The following DENND2A variants were observed in gnomAD, a reference collection of about 807,000 sequenced individuals.
The protein encoded by DENND2A is DENN domain containing 2A, also known as DENN domain-containing protein 2A.
In DENND2A, 53 loss-of-function variants were observed where a neutral mutation model predicts 105.3. That is an observed-to-expected ratio of 0.50 (90% CI 0.40 to 0.63). The LOEUF is 0.63. DENND2A is among the 30% of genes least tolerant of loss of function. The probability of loss-of-function intolerance (pLI) is 0.00; values close to 1 mark genes in which losing one functional copy is unlikely to be tolerated. For synonymous variants in DENND2A, 522 were observed against 508.4 expected (o/e 1.03, Z -0.36); for missense variants, 1,138 against 1,279.6 (o/e 0.89, Z 1.69).
At chr7:140,531,333 A>T (rs1171147004) in intron 14 of DENND2A, among the ~76,000 whole-genome samples, 1 of 152,220 alleles carries the variant, frequency 6.6e-6, no homozygotes, top group Non-Finnish European at 1.5e-5. Flanking sequence ...GAACATTCAC[A>T]TACAAGTGAG....
chr7:140,545,177 T>C (rs1463015546), intron 13 of DENND2A, among the ~76,000 whole-genome samples: 1 of 152,108 alleles, frequency 6.6e-6, no homozygotes, highest in African/African-American at 2.4e-5. Context: ...CATCTCTGTC[T>C]CTTGAGGAAC....
At chr7:140,569,600 C>T in intron 7 of DENND2A, 45 bp downstream of exon 7, 1 of 1,355,138 alleles carries the variant, frequency 7.4e-7, no homozygotes, top group Non-Finnish European at 1.1e-6. Flanking sequence ...GAAAGAATCT[C>T]TTTTCCGATT....
Position 140,601,727 on chromosome 7 carries a change from C to A in DENND2A, c.671G>T (p.Gly224Val). The A allele has an allele frequency of 6.2e-7, 1 of 1,614,076 alleles. No homozygotes were observed. Among genetic ancestry groups the A allele is most frequent in the South Asian group, 1.1e-5 (1 of 91,068 alleles). ...SQRVHPSDLE[G>V]REPTPELVED... ...CACAAGCTCAGGGGTGGGCTCCCTG[C>A]CTTCCAGGTCCGAGGGGTGGACCCT... The change falls in exon 3 of 20, where the codon GGC (glycine) becomes GTC (valine). Residue 224 changes from glycine (G) to valine (V), a missense_variant. Physicochemically the swap from Gly to Val is moderately radical, Grantham distance 109. Transcript: ENST00000496613.
At chr7:140,578,623 G>A (rs879451745) in intron 5 of DENND2A, among the ~76,000 whole-genome samples, 3 of 152,228 alleles carry the variant, frequency 2.0e-5, no homozygotes, top group Non-Finnish European at 4.4e-5. Context: ...GCTCACGCCT[G>A]TAATCCCAGC....
At position 140,640,514 on chromosome 7, in the gene DENND2A, G is replaced by A. The variant is rs1444704710; in HGVS notation, c.-258C>T. 2 of 150,876 alleles carry A rather than the reference G, an allele frequency of 1.3e-5. No homozygotes were observed. The highest frequency in any genetic ancestry group is 1.3e-4 in the Admixed American group (2 of 15,134). The allele number at this position is 150,876 out of a possible 1,614,324, so 9.3% of individuals were successfully genotyped here. A position where few individuals can be genotyped will look rare whatever the true frequency, so the allele number is the denominator to read the frequency against. On this transcript the variant is annotated 5_prime_UTR_variant, in exon 1 of 20. Transcript: ENST00000496613. This position sits in a 1 kb window ranked among gnomAD's most constrained non-coding sequence, Gnocchi z 4.9. ...CCGGCCCGGCCCTACCTCCCCGCGG[G>A]CGGCGGCTCCGCGGGCTCTGGGGCG...
chr7:140,526,984 A>G (rs1796077410), intron 15 of DENND2A, among the ~76,000 whole-genome samples: 1 of 152,142 alleles, frequency 6.6e-6, no homozygotes, highest in Non-Finnish European at 1.5e-5. Context: ...TAGCTCCTCA[A>G]TGTGGGGGAG....
intron 1 of DENND2A, among the ~76,000 whole-genome samples, chr7:140,620,459 T>C (rs1257092630): frequency 6.6e-6 from 1 of 152,044 alleles, no homozygotes; most frequent in Non-Finnish European, 1.5e-5. Flanking sequence ...TAAGAGACTT[T>C]GATTTTTTTT....
intron 1 of DENND2A, among the ~76,000 whole-genome samples, chr7:140,618,530 A>C (rs1287606057): frequency 6.6e-6 from 1 of 152,220 alleles, no homozygotes; most frequent in Non-Finnish European, 1.5e-5. Flanking sequence ...TTAAGCTCAT[A>C]CAATAACTCA....
At chr7:140,553,871 A>G (rs1000529625) in intron 12 of DENND2A, among the ~76,000 whole-genome samples, 1 of 152,222 alleles carries the variant, frequency 6.6e-6, no homozygotes, top group African/African-American at 2.4e-5. Context: ...ACAGAACAAA[A>G]TGGAGTCTCC....
At chr7:140,535,533 A>G (rs1198976262) in intron 14 of DENND2A, among the ~76,000 whole-genome samples, 2 of 151,132 alleles carry the variant, frequency 1.3e-5, no homozygotes, top group Non-Finnish European at 2.9e-5. Context: ...AGTAGACTAG[A>G]TCATCGCTAG....
intron 11 of DENND2A, among the ~76,000 whole-genome samples, chr7:140,557,130 T>G (rs1178579485): frequency 6.6e-6 from 1 of 152,066 alleles, no homozygotes; most frequent in Non-Finnish European, 1.5e-5. Flanking sequence ...TTTGTCCAGT[T>G]GCGGTGGTTC....
chr7:140,587,823 C>A, intron 3 of DENND2A, 43 bp from the exon 4 acceptor site: 1 of 1,510,742 alleles, frequency 6.6e-7, no homozygotes, highest in South Asian at 1.3e-5. Flanking sequence ...GAATTTGAAT[C>A]AAATTAGGCT....
rs567621003 is a variant in DENND2A, at chr7:140,584,103, G to A, written c.1245+1486C>T. 3.4e-5 allele frequency among the ~76,000 whole-genome samples: 5 copies of A among 146,808 alleles called. No homozygotes were observed. The South Asian group carries it at 8.5e-4, about 25-fold the overall frequency. ...CTAAAAGTACAAAAATTAGCCAGGCGTGGAGGCGCATGCCTGTAATCCCAG... is the reference window on the plus strand; with the variant it reads ...CTAAAAGTACAAAAATTAGCCAGGCATGGAGGCGCATGCCTGTAATCCCAG... On this transcript the variant is annotated intron_variant, in intron 5 of 19. Transcript: ENST00000496613.
rs531541459 is a variant in DENND2A, at chr7:140,559,465, T to C, written c.1889+243A>G. 2.0e-4 allele frequency among the ~76,000 whole-genome samples: 31 copies of C among 152,306 alleles called. No homozygotes were observed. Among genetic ancestry groups the C allele is most frequent in the African/African-American group, 7.2e-4 (30 of 41,570 alleles). On this transcript the variant is annotated intron_variant, in intron 10 of 19. Transcript: ENST00000496613. This position sits in a 1 kb window ranked among gnomAD's most constrained non-coding sequence, Gnocchi z 4.1. ...CTAACTTTTCCCAGGCTAAGAATTA[T>C]CTTCCGGGAGGCTTCTGAAACAAGT...
intron 14 of DENND2A, among the ~76,000 whole-genome samples, chr7:140,529,148 T>C (rs1796168065): frequency 6.6e-6 from 1 of 151,952 alleles, no homozygotes; most frequent in Non-Finnish European, 1.5e-5. Context: ...GGAGAAATAT[T>C]GGGAGTTTCT....
In DENND2A at chr7:140,567,070, C is replaced by G. The variant is rs1451766980; in HGVS notation, c.1779+16G>C. On this transcript the variant is annotated intron_variant, in intron 9 of 19. Coordinates refer to ENST00000496613, the MANE Select transcript of DENND2A (RefSeq NM_015689.5). The stretch of plus-strand genomic sequence containing the variant: ...TAGAACCCTGGCAGGCCACAGGGAC[C>G]TGGCCACCCTGTTACCTTCAGAGGG... 5 of 1,559,812 alleles carry G rather than the reference C, an allele frequency of 3.2e-6. No homozygotes were observed. The South Asian group carries it at 5.9e-5, about 19-fold the overall frequency.
At chr7:140,553,262 C>A (rs1028334314) in intron 12 of DENND2A, among the ~76,000 whole-genome samples, 1 of 152,162 alleles carries the variant, frequency 6.6e-6, no homozygotes, top group African/African-American at 2.4e-5. Flanking sequence ...GTCTTTGCAT[C>A]ATAGACAAGG....
intron 3 of DENND2A, among the ~76,000 whole-genome samples, chr7:140,597,593 A>G (rs184753622): frequency 3.5e-4 from 54 of 152,388 alleles, no homozygotes; most frequent in African/African-American, 1.1e-3. Context: ...TGAAATAAGT[A>G]ACTTTAGCTG....
At chr7:140,626,146 G>A (rs1286850045) in intron 1 of DENND2A, among the ~76,000 whole-genome samples, 2 of 152,176 alleles carry the variant, frequency 1.3e-5, no homozygotes, top group African/African-American at 2.4e-5. Context: ...CCACCTTGAC[G>A]GCACCGTACG....
Sources: gnomAD v4.1 joint callset for allele counts (sites outside exome capture counted in the v4.1 genomes callset) on GRCh38, gnomAD v4.1.1 for gene constraint, Gnocchi (gnomAD v3.1) non-coding constraint, MANE v1.5 for transcripts, NCBI Gene and HGNC (gene_info 2026-07-23, HGNC 2026-07-21) for gene names.